KIRREL3: variants seen among roughly 807,000 people sequenced by gnomAD.
KIRREL3 encodes kin of IRRE-like protein 3.
KIRREL3 carries 36 observed loss-of-function variants against 89.7 expected under a neutral mutation model. The observed-to-expected ratio is 0.40, with a 90% CI of 0.31 to 0.53. KIRREL3 has a LOEUF of 0.53. Among genes scored for constraint, KIRREL3 ranks in the 20% least tolerant of loss-of-function variants. The pLI is 0.49. For synonymous variants in KIRREL3, 445 were observed against 441.4 expected (o/e 1.01, Z -0.10); for missense variants, 864 against 1,056.6 (o/e 0.82, Z 2.53).
intron 1 of KIRREL3, among the ~76,000 whole-genome samples, chr11:126,667,084 A>G (rs1405629333): frequency 1.3e-5 from 2 of 152,238 alleles, no homozygotes; most frequent in Non-Finnish European, 2.9e-5. Context: ...AAGCTAAAAA[A>G]CAAAGGAAAA....
intron 4 of KIRREL3, among the ~76,000 whole-genome samples, chr11:126,483,988 C>T (rs1335230241): frequency 1.3e-5 from 2 of 152,252 alleles, no homozygotes; most frequent in African/African-American, 4.8e-5. Context: ...GTGCCCGCCT[C>T]AGCAGGTACA....
rs1946260544 is a variant in KIRREL3, at chr11:126,898,768, T to G, written c.55+101687A>C. On this transcript the variant is annotated intron_variant, in intron 1 of 16. Transcript: ENST00000525144. This position sits in a 1 kb window ranked among gnomAD's most constrained non-coding sequence, Gnocchi z 4.9. ...GATGGAAAATATAAAAAAAGAGAGT[T>G]CTTAGATGGGTTATGATGTGTCATA... Among the ~76,000 whole-genome samples, 8 of 152,090 alleles carry G rather than the reference T, an allele frequency of 5.3e-5. No individual in the cohort carries two copies.
Position 126,669,705 on chromosome 11 carries a change from T to C in KIRREL3, c.56-106793A>G, listed in dbSNP as rs1364435517. On this transcript the variant is annotated intron_variant, in intron 1 of 16. Coordinates refer to ENST00000525144, the MANE Select transcript of KIRREL3 (RefSeq NM_032531.4). This position sits in a 1 kb window ranked among gnomAD's most constrained non-coding sequence, Gnocchi z 5.0. ...GCTTTTCTCTCTTCTCCATTTACAT[T>C]TTTCTCTCAAGGTTTTGCATGAAAC... Among the ~76,000 whole-genome samples, 1 of 152,176 alleles carries C rather than the reference T, an allele frequency of 6.6e-6. No homozygotes were observed. The highest frequency in any genetic ancestry group is 1.5e-5 in the Non-Finnish European group (1 of 68,020).
chr11:126,852,931 G>C (rs201714864), intron 1 of KIRREL3, among the ~76,000 whole-genome samples: 1 of 152,150 alleles, frequency 6.6e-6, no homozygotes, highest in East Asian at 1.9e-4. Context: ...GGGAGCAGAA[G>C]CTCTTTCTGT....
Position 126,615,539 on chromosome 11 carries a change from A to G in KIRREL3, c.56-52627T>C, listed in dbSNP as rs896878694. ...GACTCAAAAACCTGTGTTCCTAACC[A>G]TCCTGCCCACCAGGATCCTGGAGGT... On this transcript the variant is annotated intron_variant, in intron 1 of 16. Coordinates refer to ENST00000525144, the MANE Select transcript of KIRREL3 (RefSeq NM_032531.4). This position sits in a 1 kb window ranked among gnomAD's most constrained non-coding sequence, Gnocchi z 5.4. Among the ~76,000 whole-genome samples, 3 of 152,172 alleles carry G rather than the reference A, an allele frequency of 2.0e-5. No individual in the cohort carries two copies. The highest frequency in any genetic ancestry group is 4.4e-5 in the Non-Finnish European group (3 of 68,030).
chr11:126,872,972 G>A lies in KIRREL3; in HGVS notation c.55+127483C>T, dbSNP rs1945156697. On this transcript the variant is annotated intron_variant, in intron 1 of 16. Coordinates refer to ENST00000525144, the MANE Select transcript of KIRREL3 (RefSeq NM_032531.4). This position sits in a 1 kb window ranked among gnomAD's most constrained non-coding sequence, Gnocchi z 4.2. ...ATCACTTGGATGGAAAATTAAAGCA[G>A]CCTGCTCCCTCAATGGTTATACATT... Among the ~76,000 whole-genome samples the A allele has an allele frequency of 6.6e-6, 1 of 152,180 alleles. No homozygotes were observed. The highest frequency in any genetic ancestry group is 2.4e-5 in the African/African-American group (1 of 41,442).
In KIRREL3 at chr11:126,703,890, C is replaced by T. The variant is rs553129279; in HGVS notation, c.56-140978G>A. Reference sequence around the variant, plus strand: ...CTCACTCAAGGGCCAGTGCTGGCAGCGGTTATGCTGGGGACATCTACATAC... The same window carrying T: ...CTCACTCAAGGGCCAGTGCTGGCAGTGGTTATGCTGGGGACATCTACATAC... On this transcript the variant is annotated intron_variant, in intron 1 of 16. Coordinates refer to ENST00000525144, the MANE Select transcript of KIRREL3 (RefSeq NM_032531.4). The surrounding 1 kb of genome is among the most constrained non-coding windows in gnomAD (Gnocchi z 4.6). Among the ~76,000 whole-genome samples, 3 of 152,178 alleles carry T rather than the reference C, an allele frequency of 2.0e-5. No individual in the cohort carries two copies. Among genetic ancestry groups the T allele is most frequent in the Non-Finnish European group, 4.4e-5 (3 of 68,040 alleles).
rs1951595997 is a variant in KIRREL3 at position 126,817,016 on chromosome 11, A to ACCTTC, written c.55+183438_55+183439insGAAGG. Among the ~76,000 whole-genome samples, 1 of 152,208 alleles carries ACCTTC rather than the reference A, an allele frequency of 6.6e-6. No individual in the cohort carries two copies. The highest frequency in any genetic ancestry group is 2.4e-5 in the African/African-American group (1 of 41,446). ...AACACGTTACTTTAGGGAAGGAAGA[A>ACCTTC]CCTGTTGCATTAAAAATAGAGCTAA... On this transcript the variant is annotated intron_variant, in intron 1 of 16. Transcript: ENST00000525144. The surrounding 1 kb of genome is among the most constrained non-coding windows in gnomAD (Gnocchi z 5.7).
In KIRREL3 at chr11:126,860,748, T is replaced by C. The variant is rs1316805079; in HGVS notation, c.55+139707A>G. ...GGTGGCAGGCCAGTGAGGAGGCTCC[T>C]GCCCTGGTCCAAAGGAGAGAGGCTG... On this transcript the variant is annotated intron_variant, in intron 1 of 16. Coordinates refer to ENST00000525144, the MANE Select transcript of KIRREL3 (RefSeq NM_032531.4). This position sits in a 1 kb window ranked among gnomAD's most constrained non-coding sequence, Gnocchi z 4.6. Among the ~76,000 whole-genome samples, 2 of 152,204 alleles carry C rather than the reference T, an allele frequency of 1.3e-5. No homozygotes were observed. The highest frequency in any genetic ancestry group is 1.3e-4 in the Admixed American group (2 of 15,270).
rs1213854150 is a variant in KIRREL3 at position 126,635,989 on chromosome 11, G to A, written c.56-73077C>T. Reference sequence around the variant, plus strand: ...AGCGGGAGGGATCAGTGGAGGAAGCGACGTGATTCCTGTAAGACTTGAATG... The same window carrying A: ...AGCGGGAGGGATCAGTGGAGGAAGCAACGTGATTCCTGTAAGACTTGAATG... On this transcript the variant is annotated intron_variant, in intron 1 of 16. Transcript: ENST00000525144. The surrounding 1 kb of genome is among the most constrained non-coding windows in gnomAD (Gnocchi z 4.0). Among the ~76,000 whole-genome samples, 5 of 152,206 alleles carry A rather than the reference G, an allele frequency of 3.3e-5. No homozygotes were observed. Among genetic ancestry groups the A allele is most frequent in the Non-Finnish European group, 7.3e-5 (5 of 68,044 alleles).
At position 126,610,482 on chromosome 11, in the gene KIRREL3, G is replaced by A. The variant is rs770678697; in HGVS notation, c.56-47570C>T. 3.3e-5 allele frequency among the ~76,000 whole-genome samples: 5 copies of A among 152,222 alleles called. No individual in the cohort carries two copies. Among genetic ancestry groups the A allele is most frequent in the African/African-American group, 4.8e-5 (2 of 41,454 alleles). ...AGGACAGAAGGGACATACTTAGGAT[G>A]ATAGACTAACCTGGCCCAGCCTGCA... On this transcript the variant is annotated intron_variant, in intron 1 of 16. Transcript: ENST00000525144. The surrounding 1 kb of genome is among the most constrained non-coding windows in gnomAD (Gnocchi z 4.6).
chr11:126,596,553 T>A (rs1433275293), intron 1 of KIRREL3, among the ~76,000 whole-genome samples: 1 of 152,234 alleles, frequency 6.6e-6, no homozygotes, highest in Non-Finnish European at 1.5e-5. Flanking sequence ...TTGCCATGTT[T>A]CTTAGCTGCA....
intron 1 of KIRREL3, among the ~76,000 whole-genome samples, chr11:126,949,232 C>T (rs1948707727): frequency 6.6e-6 from 1 of 152,164 alleles, no homozygotes; most frequent in African/African-American, 2.4e-5. Context: ...TGTACAGAAG[C>T]AGCGCATGAG....
chr11:126,815,340 T>C (rs1178572862), intron 1 of KIRREL3, among the ~76,000 whole-genome samples: 1 of 152,162 alleles, frequency 6.6e-6, no homozygotes. Context: ...GATTCTGTTC[T>C]TAGCTCTCAC....
chr11:126,556,816 A>G (rs751341089), intron 2 of KIRREL3, among the ~76,000 whole-genome samples: 12 of 152,174 alleles, frequency 7.9e-5, no homozygotes, highest in Non-Finnish European at 1.5e-4. Context: ...CAAGACACTG[A>G]GCGAAATAAA....
At position 126,530,200 on chromosome 11, in the gene KIRREL3, T is replaced by C. The variant is rs1487329702; in HGVS notation, c.134-3513A>G. On this transcript the variant is annotated intron_variant, in intron 2 of 16. Transcript: ENST00000525144. This position sits in a 1 kb window ranked among gnomAD's most constrained non-coding sequence, Gnocchi z 5.8. ...TCCCGGTTCAAGTGATTCTCCTGCC[T>C]CAGCCTCCTGAGCAGCTGGGATTAC... is the stretch of plus-strand genomic sequence containing the variant. Among the ~76,000 whole-genome samples the C allele has an allele frequency of 6.6e-6, 1 of 152,174 alleles. No individual in the cohort carries two copies. The highest frequency in any genetic ancestry group is 6.5e-5 in the Admixed American group (1 of 15,278).
Position 126,546,523 on chromosome 11 carries a change from C to T in KIRREL3, c.133+16312G>A, listed in dbSNP as rs140016932. ...AGCACAACCTGGGGGCAGAAGCAAG[C>T]GGGCCGCTTTCTGTCCATTTCATCT... On this transcript the variant is annotated intron_variant, in intron 2 of 16. Transcript: ENST00000525144. Among the ~76,000 whole-genome samples, 454 of 152,354 alleles carry T rather than the reference C, an allele frequency of 3.0e-3. 1 individual carries two copies. Among genetic ancestry groups the T allele is most frequent in the Admixed American group, 4.4e-3 (68 of 15,308 alleles).
At chr11:126,939,991 AC>A (rs1948372011) in intron 1 of KIRREL3, among the ~76,000 whole-genome samples, 1 of 151,878 alleles carries the variant, frequency 6.6e-6, no homozygotes, top group Non-Finnish European at 1.5e-5. Context: ...ACTTTTCACC[AC>A]CTCCTCTATC....
Position 126,508,535 on chromosome 11 carries a change from A to T in KIRREL3, c.433+12780T>A, listed in dbSNP as rs974814287. Among the ~76,000 whole-genome samples, 1 of 151,972 alleles carries T rather than the reference A, an allele frequency of 6.6e-6. No individual in the cohort carries two copies. The highest frequency in any genetic ancestry group is 1.5e-5 in the Non-Finnish European group (1 of 67,976). On this transcript the variant is annotated intron_variant, in intron 4 of 16. Coordinates refer to ENST00000525144, the MANE Select transcript of KIRREL3 (RefSeq NM_032531.4). The surrounding 1 kb of genome is among the most constrained non-coding windows in gnomAD (Gnocchi z 4.9). ...ACTCCCCGATTCCATGAGCCCTGGG[A>T]TGGTGGAAGGGTTCAAGCAGGGCTC...
Sources: gnomAD v4.1 joint callset for allele counts (sites outside exome capture counted in the v4.1 genomes callset) on GRCh38, gnomAD v4.1.1 for gene constraint, Gnocchi (gnomAD v3.1) non-coding constraint, MANE v1.5 for transcripts, NCBI Gene and HGNC (gene_info 2026-07-23, HGNC 2026-07-21) for gene names.